POLR1E: variants seen among roughly 807,000 people sequenced by gnomAD.
The protein encoded by POLR1E is DNA-directed RNA polymerase I subunit RPA49.
Under a neutral mutation model 50.9 loss-of-function variants are expected in POLR1E, and 37 were observed. That is an observed-to-expected ratio of 0.73 (90% CI 0.56 to 0.96). The LOEUF (loss-of-function observed/expected upper bound fraction) is 0.96. POLR1E is among the 40% of genes least tolerant of loss of function. POLR1E has a pLI of 0.00. For missense variants in POLR1E, 426 were observed against 518.1 expected (o/e 0.82, Z 1.73); for synonymous variants, 166 against 191.6 (o/e 0.87, Z 1.10).
Position 37,501,808 on chromosome 9 carries a change from C to G in POLR1E, c.1064C>G (p.Thr355Arg), listed in dbSNP as rs866970960. The G allele has an allele frequency of 6.2e-7, 1 of 1,614,000 alleles. No individual in the cohort carries two copies. The highest frequency in any genetic ancestry group is 1.1e-5 in the South Asian group (1 of 91,072). ...LHIHDFQIDL[T>R]VLQRDLKLSE... ...ATACATGACTTCCAAATTGACCTGA[C>G]AGTGTTACAGAGGGACTTGAAGCTC... The change falls in exon 11 of 12, where the codon ACA becomes AGA. Residue 355 changes from threonine (T) to arginine (R), a missense_variant. Physicochemically the swap from Thr to Arg is moderately conservative, Grantham distance 71. Transcript: ENST00000377798.
intron 3 of POLR1E, 150 bp from the exon 4 acceptor site, chr9:37,489,165 G>A (rs1820631826): frequency 2.0e-6 from 1 of 497,594 alleles, no homozygotes; most frequent in South Asian, 2.4e-5. Context: ...TTGAACCCGG[G>A]AGGTGGAGGT....
chr9:37,495,431 T>C (rs1455563283), intron 7 of POLR1E, among the ~76,000 whole-genome samples, 155 bp downstream of exon 7: 1 of 149,606 alleles, frequency 6.7e-6, no homozygotes, highest in African/African-American at 2.6e-5. Flanking sequence ...GCCAGGAGGT[T>C]AACTTGGCTT....
chr9:37,497,806 C>CTAGGCT (rs1820810413), intron 8 of POLR1E, among the ~76,000 whole-genome samples: 1 of 152,090 alleles, frequency 6.6e-6, no homozygotes, highest in African/African-American at 2.4e-5. Context: ...GCTCTGTCAC[C>CTAGGCT]TAGGCTGGAG....
At chr9:37,491,015 G>A (rs1287706868) in intron 4 of POLR1E, 10 of 276,796 alleles carry the variant, frequency 3.6e-5, no homozygotes, top group Non-Finnish European at 7.0e-5. Context: ...TGCTTATTAA[G>A]TTGTATAGTA....
At chr9:37,493,078 T>G (rs905638837) in intron 5 of POLR1E, among the ~76,000 whole-genome samples, 1 of 152,226 alleles carries the variant, frequency 6.6e-6, no homozygotes. Context: ...GGATTTTCAA[T>G]GTAGAAGGTC....
chr9:37,496,131 T>C (rs1257569056), intron 8 of POLR1E, 145 bp downstream of exon 8: 2 of 627,426 alleles, frequency 3.2e-6, no homozygotes, highest in Admixed American at 5.3e-5. Flanking sequence ...TTTTCTTGAA[T>C]GTTTGGGCTT....
rs1820890748 is a variant in POLR1E, at chr9:37,501,704, ATT to A, written c.969-6_969-5del. ...TTTTGTTTCTCCTTTATTGCCACTG[ATT>A]TTCTAGATTACGGAACTTAATTTCG... On this transcript the variant is annotated splice_region_variant and splice_polypyrimidine_tract_variant and intron_variant, in intron 10 of 11. Transcript: ENST00000377798. The A allele has an allele frequency of 1.9e-6, 3 of 1,602,896 alleles. No individual in the cohort carries two copies. In the African/African-American group the frequency reaches 4.0e-5, roughly 22 times the overall value.
rs1820926737 is a variant in POLR1E at position 37,503,295 on chromosome 9, G to A, written c.*93G>A. ...TTTTATGTATGTTTTGAAAAGAAAA[G>A]GTCCGGGGATGGTGGCTCACACCTG... On this transcript the variant is annotated 3_prime_UTR_variant, in exon 12 of 12. Coordinates refer to ENST00000377798, the MANE Select transcript of POLR1E (RefSeq NM_022490.4). The A allele has an allele frequency of 1.2e-5, 17 of 1,438,844 alleles. No individual in the cohort carries two copies. In the South Asian group the frequency reaches 2.5e-4, roughly 21 times the overall value. 89.1% of individuals were successfully genotyped at this position (1,438,844 alleles called of 1,614,324 possible).
chr9:37,488,675 TTGTAG>T (rs1356765311), intron 3 of POLR1E, among the ~76,000 whole-genome samples: 6 of 152,164 alleles, frequency 3.9e-5, no homozygotes, highest in African/African-American at 1.4e-4. Context: ...GTGCCATAAA[TTGTAG>T]TGTAATTCTA....
At chr9:37,490,495 C>T (rs113505129) in intron 4 of POLR1E, 64 of 868,526 alleles carry the variant, frequency 7.4e-5, no homozygotes, top group Non-Finnish European at 1.1e-4. Context: ...AAGTGTGCTT[C>T]TCTGGGTGGA....
intron 6 of POLR1E, among the ~76,000 whole-genome samples, chr9:37,494,710 G>T (rs748451086): frequency 6.6e-6 from 1 of 152,164 alleles, no homozygotes; most frequent in East Asian, 1.9e-4. Flanking sequence ...AAATGTTGAG[G>T]TTACAGGTGT....
intron 8 of POLR1E, 36 bp downstream of exon 8, chr9:37,496,022 T>C (rs772828883): frequency 6.5e-7 from 1 of 1,531,902 alleles, no homozygotes; most frequent in African/African-American, 1.4e-5. Flanking sequence ...TTCTGGGGAG[T>C]GCTGTTGGGA....
rs1820929403 is a variant in POLR1E, at chr9:37,503,406, A to G, written c.*204A>G. 1 of 463,454 alleles carries G rather than the reference A, an allele frequency of 2.2e-6. No individual in the cohort carries two copies. Among genetic ancestry groups the G allele is most frequent in the Non-Finnish European group, 3.6e-6 (1 of 281,530 alleles). 28.7% of individuals were successfully genotyped at this position (463,454 alleles called of 1,614,324 possible). On this transcript the variant is annotated 3_prime_UTR_variant, in exon 12 of 12. Transcript: ENST00000377798. ...AGTCTGGACAACATAGGGAGACCCC[A>G]TCTCTACCGGAGGAAAAAAAAAAGA...
rs369699263 is a variant in POLR1E at position 37,492,637 on chromosome 9, G to T, written c.344-20G>T. The T allele has an allele frequency of 1.2e-6, 2 of 1,612,432 alleles. No homozygotes were observed. The highest frequency in any genetic ancestry group is 2.7e-5 in the African/African-American group (2 of 74,872). ...TCCCAATTGACTTTTCTTTCTCTCT[G>T]TTTTTGTGTGTTTTGATAGATGTAT... On this transcript the variant is annotated intron_variant, in intron 4 of 11. Transcript: ENST00000377798.
chr9:37,492,392 G>A, intron 4 of POLR1E: 1 of 1,087,092 alleles, frequency 9.2e-7, no homozygotes, highest in Non-Finnish European at 1.3e-6. Flanking sequence ...AATTTCATCT[G>A]TGGGCCTTCT....
Position 37,503,195 on chromosome 9 carries a change from T to G in POLR1E, c.1253T>G (p.Ile418Ser), listed in dbSNP as rs1564327093. The stretch of plus-strand genomic sequence containing the variant: ...GACCGCCTGGCAAAGCGGAGGAAGA[T>G]TACCTAGACGCATGCTTTCCAGACA... The part of the protein sequence containing the change: ...TSDRLAKRRK[I>S]T Residue 418 changes from isoleucine (I) to serine (S), a missense_variant, in exon 12 of 12, where the codon ATT becomes AGT. Coordinates refer to ENST00000377798, the MANE Select transcript of POLR1E (RefSeq NM_022490.4). 1 of 1,608,320 alleles carries G rather than the reference T, an allele frequency of 6.2e-7. No homozygotes were observed. The highest frequency in any genetic ancestry group is 8.5e-7 in the Non-Finnish European group (1 of 1,177,816).
In POLR1E at chr9:37,501,713, A is replaced by G; in HGVS notation, c.969A>G (p.Arg323=). The G allele has an allele frequency of 6.2e-7, 1 of 1,604,980 alleles. No individual in the cohort carries two copies. Among genetic ancestry groups the G allele is most frequent in the Non-Finnish European group, 8.5e-7 (1 of 1,177,872 alleles). Residue 323 remains arginine (R), a splice_region_variant and synonymous_variant, in exon 11 of 12, where the codon AGA becomes AGG. Coordinates refer to ENST00000377798, the MANE Select transcript of POLR1E (RefSeq NM_022490.4). ...HFTCLTYNNG[R]LRNLISDSMK... ...TCCTTTATTGCCACTGATTTTCTAG[A>G]TTACGGAACTTAATTTCGGATTCTA...
chr9:37,486,183 C>T, intron 1 of POLR1E, 60 bp downstream of exon 1: 1 of 1,500,810 alleles, frequency 6.7e-7, no homozygotes, highest in Non-Finnish European at 8.9e-7. Context: ...GTCTCGGTAC[C>T]TCAGCTGTCC....
chr9:37,493,556 C>G lies in POLR1E; in HGVS notation c.403-3C>G. On this transcript the variant is annotated splice_polypyrimidine_tract_variant and splice_region_variant and intron_variant, in intron 5 of 11. Coordinates refer to ENST00000377798, the MANE Select transcript of POLR1E (RefSeq NM_022490.4). ...CCAGTAACCAGGTTTATCTCATAAA[C>G]AGATGGATTCTTGTATTGAAGCCTT... 1 of 1,592,906 alleles carries G rather than the reference C, an allele frequency of 6.3e-7. No individual in the cohort carries two copies. The highest frequency in any genetic ancestry group is 8.6e-7 in the Non-Finnish European group (1 of 1,167,882).
Sources: gnomAD v4.1 joint callset for allele counts (sites outside exome capture counted in the v4.1 genomes callset) on GRCh38, gnomAD v4.1.1 for gene constraint, MANE v1.5 for transcripts, NCBI Gene and HGNC (gene_info 2026-07-23, HGNC 2026-07-21) for gene names.